DAB2: variants seen among roughly 807,000 people sequenced by gnomAD.
The protein encoded by DAB2 is DAB adaptor protein 2.
In DAB2, 28 loss-of-function variants were observed where a neutral mutation model predicts 71.6. The observed-to-expected ratio is 0.39, with a 90% CI of 0.29 to 0.54. DAB2 has a LOEUF of 0.54. Among genes scored for constraint, DAB2 ranks in the 20% least tolerant of loss-of-function variants. The pLI is 0.68. For synonymous variants in DAB2, 345 were observed against 339.7 expected (o/e 1.02, Z -0.17); for missense variants, 867 against 928.8 (o/e 0.93, Z 0.86).
At position 39,375,091 on chromosome 5, in the gene DAB2, A is replaced by T. The variant is rs763013412; in HGVS notation, c.2248-7T>A. On this transcript the variant is annotated splice_region_variant and splice_polypyrimidine_tract_variant and intron_variant, in intron 13 of 14. Coordinates refer to ENST00000320816, the MANE Select transcript of DAB2 (RefSeq NM_001343.4). ...CAGGTTGAGAAGAAGCCACCTAAGA[A>T]GATAAAATCATCTAGTCAATAAATA... 10 of 1,593,616 alleles carry T rather than the reference A, an allele frequency of 6.3e-6. No homozygotes were observed. In the South Asian group the frequency reaches 1.1e-4, roughly 18 times the overall value.
intron 1 of DAB2, among the ~76,000 whole-genome samples, chr5:39,416,048 C>T (rs1755837329): frequency 1.3e-5 from 2 of 151,836 alleles, no homozygotes; most frequent in Non-Finnish European, 1.5e-5. Flanking sequence ...CCTCTCCTCC[C>T]TCCCCATCAT....
chr5:39,404,961 A>C (rs1755580974), intron 1 of DAB2, among the ~76,000 whole-genome samples: 1 of 152,226 alleles, frequency 6.6e-6, no homozygotes. Flanking sequence ...GGTTATGATC[A>C]ATTTTGCAAT....
intron 1 of DAB2, among the ~76,000 whole-genome samples, chr5:39,416,641 G>A (rs1018022660): frequency 3.9e-5 from 6 of 152,046 alleles, no homozygotes; most frequent in African/African-American, 1.4e-4. Context: ...CTTGAATTTC[G>A]TGAAAACCTT....
intron 12 of DAB2, 36 bp downstream of exon 12, chr5:39,376,614 T>C (rs1053705871): frequency 2.5e-6 from 4 of 1,601,512 alleles, no homozygotes; most frequent in Non-Finnish European, 2.6e-6. Flanking sequence ...GTGGAGATAG[T>C]TGTTGGAACA....
At chr5:39,418,136 C>T (rs1420464075) in intron 1 of DAB2, 2 of 152,208 alleles carry the variant, frequency 1.3e-5, no homozygotes, top group African/African-American at 4.8e-5. Context: ...ATAACTAAAG[C>T]ACAGCTGACC....
Position 39,391,069 on chromosome 5 carries a change from C to T in DAB2, c.331-494G>A, listed in dbSNP as rs1437329174. Among the ~76,000 whole-genome samples the T allele has an allele frequency of 2.6e-5, 4 of 152,046 alleles. No homozygotes were observed. In the East Asian group the frequency reaches 7.7e-4, roughly 29 times the overall value. ...ATTCCCAGTATATTCTGGAGGATAC[C>T]AAATACTGTCATCAAGTGTTTCTCA... On this transcript the variant is annotated intron_variant, in intron 4 of 14. Coordinates refer to ENST00000320816, the MANE Select transcript of DAB2 (RefSeq NM_001343.4).
intron 1 of DAB2, among the ~76,000 whole-genome samples, chr5:39,399,644 C>T (rs543566480): frequency 2.6e-5 from 4 of 152,314 alleles, no homozygotes; most frequent in Admixed American, 6.5e-5. Flanking sequence ...CAGATGACTG[C>T]AAGAGATTCT....
At chr5:39,389,252 C>T (rs1341709561) in intron 6 of DAB2, 129 bp from the exon 7 acceptor site, 3 of 624,084 alleles carry the variant, frequency 4.8e-6, no homozygotes, top group African/African-American at 1.8e-5. Context: ...TTCTGCCCTC[C>T]GTTCCCCTCC....
intron 10 of DAB2, 22 bp from the exon 11 acceptor site, chr5:39,381,638 G>C: frequency 6.2e-7 from 1 of 1,612,944 alleles, no homozygotes; most frequent in Non-Finnish European, 8.5e-7. Context: ...GGGAGGGAGG[G>C]AGAAGCCTTA....
chr5:39,416,164 C>T (rs143828590), intron 1 of DAB2, among the ~76,000 whole-genome samples: 2 of 151,974 alleles, frequency 1.3e-5, no homozygotes, highest in Non-Finnish European at 2.9e-5. Flanking sequence ...ATACATGTCC[C>T]TCATGATTAG....
intron 1 of DAB2, among the ~76,000 whole-genome samples, chr5:39,424,490 CACA>C (rs1756058681): frequency 3.5e-5 from 5 of 143,110 alleles, no homozygotes; most frequent in African/African-American, 1.5e-4. Context: ...CACACACACA[CACA>C]CACACACACA....
In DAB2 at chr5:39,401,611, G is replaced by GA. The variant is rs1013888725; in HGVS notation, c.-101-7191dup. Among the ~76,000 whole-genome samples, 42 of 151,940 alleles carry GA rather than the reference G, an allele frequency of 2.8e-4. 1 individual carries two copies. The Middle Eastern group carries it at 0.01, about 37-fold the overall frequency. On this transcript the variant is annotated intron_variant, in intron 1 of 14. Coordinates refer to ENST00000320816, the MANE Select transcript of DAB2 (RefSeq NM_001343.4). ...GAGAATATAGTTTGCTGAGCTATTA[G>GA]AAAAAAAATCAGTAAGAACTTACAT...
Position 39,388,908 on chromosome 5 carries a change from T to C in DAB2, c.571-56A>G. The C allele has an allele frequency of 1.4e-5, 20 of 1,465,558 alleles. 1 individual carries two copies. In the South Asian group the frequency reaches 2.3e-4, roughly 17 times the overall value. The allele number at this position is 1,465,558 out of a possible 1,614,324, so 90.8% of individuals were successfully genotyped here. On this transcript the variant is annotated intron_variant, in intron 7 of 14. Transcript: ENST00000320816. ...GTTGAGCTTTGTCTATAAAATGTAT[T>C]TGTCCACTCTATTAGTCTGCTAAGC...
intron 11 of DAB2, among the ~76,000 whole-genome samples, chr5:39,379,563 TAACACATTG>T (rs564662551): frequency 1.6e-3 from 251 of 152,236 alleles, no homozygotes; most frequent in African/African-American, 5.3e-3. Context: ...CATTGTGTTT[TAACACATTG>T]AACACATTGA....
At chr5:39,376,505 G>C (rs1407549443) in intron 12 of DAB2, 145 bp downstream of exon 12, 2 of 942,706 alleles carry the variant, frequency 2.1e-6, no homozygotes, top group South Asian at 1.6e-5. Flanking sequence ...AAATGGTTAA[G>C]TTGTCTCCGT....
intron 1 of DAB2, among the ~76,000 whole-genome samples, chr5:39,421,244 T>A (rs907481462): frequency 6.6e-6 from 1 of 152,198 alleles, no homozygotes; most frequent in African/African-American, 2.4e-5. Flanking sequence ...GGGTATTCAA[T>A]TTTCATGAAG....
rs1270932091 is a variant in DAB2, at chr5:39,422,233, A to T, written c.-102+2571T>A. On this transcript the variant is annotated intron_variant, in intron 1 of 14. Transcript: ENST00000320816. This position sits in a 1 kb window ranked among gnomAD's most constrained non-coding sequence, Gnocchi z 4.1. The stretch of plus-strand genomic sequence containing the variant: ...TGTTACTCAGGTGTTTCATATTGCC[A>T]ATCTGGTTCCCATTCTGGTTCTGTC... Among the ~76,000 whole-genome samples the T allele has an allele frequency of 6.6e-6, 1 of 152,174 alleles. No homozygotes were observed. The highest frequency in any genetic ancestry group is 1.5e-5 in the Non-Finnish European group (1 of 68,016).
chr5:39,392,205 T>A, intron 4 of DAB2, 160 bp downstream of exon 4: 1 of 656,258 alleles, frequency 1.5e-6, no homozygotes, highest in Non-Finnish European at 2.7e-6. Context: ...GACTTTTACC[T>A]CCTATTCTGT....
chr5:39,389,342 T>C (rs1481914051), intron 6 of DAB2, among the ~76,000 whole-genome samples: 1 of 152,052 alleles, frequency 6.6e-6, no homozygotes, highest in Non-Finnish European at 1.5e-5. Context: ...AGAATTAATA[T>C]GAATCTCATA....
Sources: gnomAD v4.1 joint callset for allele counts (sites outside exome capture counted in the v4.1 genomes callset) on GRCh38, gnomAD v4.1.1 for gene constraint, Gnocchi (gnomAD v3.1) non-coding constraint, MANE v1.5 for transcripts, NCBI Gene and HGNC (gene_info 2026-07-23, HGNC 2026-07-21) for gene names.